The following IMMP2L variants were observed in gnomAD, a reference collection of about 807,000 sequenced individuals.
The protein encoded by IMMP2L is mitochondrial inner membrane protease subunit 2.
A neutral mutation model predicts 19.3 loss-of-function variants in IMMP2L; 18 were observed. The observed-to-expected ratio is 0.93, with a 90% confidence interval of 0.64 to 1.38. IMMP2L has a LOEUF of 1.38. Among genes scored for constraint, IMMP2L ranks in the 40% most tolerant of loss-of-function variants. IMMP2L has a pLI of 0.00. For synonymous variants in IMMP2L, 76 were observed against 73.0 expected, an observed-to-expected ratio of 1.04 and a Z score of -0.21; for missense variants, 233 against 218.2, an observed-to-expected ratio of 1.07 and a Z score of -0.43.
rs1371752256 is a variant in IMMP2L at position 111,213,196 on chromosome 7, T to C, written c.240-249631A>G. ...TCCTTGCTCCCTGCACTTGCTCCGA[T>C]CTTGGAGTGGAGTTGAGGCCTAGCC... On this transcript the variant is annotated intron_variant, in intron 3 of 5. Transcript: ENST00000405709. This position sits in a 1 kb window ranked among gnomAD's most constrained non-coding sequence, Gnocchi z 4.8. Among the ~76,000 whole-genome samples the C allele has an allele frequency of 6.6e-6, 1 of 152,176 alleles. No individual in the cohort carries two copies. Among genetic ancestry groups the C allele is most frequent in the Non-Finnish European group, 1.5e-5 (1 of 68,036 alleles).
At chr7:111,462,679 C>T (rs1840242402) in intron 3 of IMMP2L, among the ~76,000 whole-genome samples, 2 of 152,114 alleles carry the variant, frequency 1.3e-5, no homozygotes, top group Middle Eastern at 3.4e-3. Context: ...AGAAGTTCAA[C>T]GATAAAATGT....
At chr7:111,553,294 T>A (rs144835706) in intron 1 of IMMP2L, among the ~76,000 whole-genome samples, 240 of 152,218 alleles carry the variant, frequency 1.6e-3, no homozygotes, top group African/African-American at 5.5e-3. Flanking sequence ...AATACCACTT[T>A]CTTCTCAACT....
chr7:111,520,654 G>A (rs1846245814), intron 2 of IMMP2L, among the ~76,000 whole-genome samples: 1 of 151,980 alleles, frequency 6.6e-6, no homozygotes, highest in African/African-American at 2.4e-5. Context: ...GATAATACAG[G>A]AAACCAAATC....
At chr7:110,738,845 A>G (rs958672569) in intron 5 of IMMP2L, among the ~76,000 whole-genome samples, 5 of 152,244 alleles carry the variant, frequency 3.3e-5, no homozygotes, top group African/African-American at 9.6e-5. Context: ...TGGAAAACCT[A>G]TCAGATTAAC....
chr7:110,892,266 T>A (rs1419855336), intron 4 of IMMP2L, among the ~76,000 whole-genome samples: 1 of 152,174 alleles, frequency 6.6e-6, no homozygotes, highest in Admixed American at 6.5e-5. Context: ...AGTCTCAACA[T>A]ACCTGAACAG....
At chr7:111,332,995 A>T (rs1288480910) in intron 3 of IMMP2L, among the ~76,000 whole-genome samples, 1 of 152,046 alleles carries the variant, frequency 6.6e-6, no homozygotes, top group Non-Finnish European at 1.5e-5. Context: ...TAGTATTACC[A>T]TGCCCTCTGA....
chr7:110,920,182 G>A (rs766576815), intron 4 of IMMP2L, among the ~76,000 whole-genome samples: 52 of 152,118 alleles, frequency 3.4e-4, no homozygotes, highest in Non-Finnish European at 6.6e-4. Flanking sequence ...GCCTATCGTG[G>A]CCTGTTGTGT....
intron 1 of IMMP2L, among the ~76,000 whole-genome samples, chr7:111,554,419 G>T (rs1183514713): frequency 2.6e-5 from 4 of 151,884 alleles, no homozygotes; most frequent in Admixed American, 2.6e-4. Flanking sequence ...TGCTATCGTG[G>T]GGCCATTAAG....
intron 3 of IMMP2L, among the ~76,000 whole-genome samples, chr7:111,216,314 T>C (rs971988897): frequency 2.6e-5 from 4 of 152,190 alleles, no homozygotes; most frequent in African/African-American, 9.7e-5. Flanking sequence ...CAGTATTTTA[T>C]TTCTTTCCTA....
At chr7:111,199,641 A>G (rs1230572912) in intron 3 of IMMP2L, among the ~76,000 whole-genome samples, 2 of 152,192 alleles carry the variant, frequency 1.3e-5, no homozygotes, top group East Asian at 3.8e-4. Context: ...GAAGAAGCAT[A>G]AGCTTTATCT....
intron 2 of IMMP2L, among the ~76,000 whole-genome samples, chr7:111,494,554 C>T (rs148123071): frequency 5.5e-4 from 84 of 152,296 alleles, no homozygotes; most frequent in Admixed American, 4.4e-3. Flanking sequence ...TTTGAATAGT[C>T]CTTGCCCTAA....
Position 111,094,464 on chromosome 7 carries a change from G to T in IMMP2L, c.240-130899C>A, listed in dbSNP as rs541502308. On this transcript the variant is annotated intron_variant, in intron 3 of 5. Coordinates refer to ENST00000405709, the MANE Select transcript of IMMP2L (RefSeq NM_032549.4). ...CAGTCTGAAGAAACACTAGACATGTGTACAGCACACTAAAATGTTCCATGT... is the reference window on the plus strand; with the variant it reads ...CAGTCTGAAGAAACACTAGACATGTTTACAGCACACTAAAATGTTCCATGT... Among the ~76,000 whole-genome samples the T allele has an allele frequency of 3.0e-4, 45 of 152,222 alleles. 1 individual carries two copies. In the South Asian group the frequency reaches 9.1e-3, roughly 31 times the overall value.
intron 3 of IMMP2L, among the ~76,000 whole-genome samples, chr7:111,425,572 A>G (rs986536955): frequency 1.3e-5 from 2 of 151,158 alleles, no homozygotes; most frequent in South Asian, 2.1e-4. Context: ...GATAGATAAG[A>G]TAACAGAAAA....
At chr7:111,360,357 G>A (rs984487758) in intron 3 of IMMP2L, among the ~76,000 whole-genome samples, 1 of 152,136 alleles carries the variant, frequency 6.6e-6, no homozygotes, top group Non-Finnish European at 1.5e-5. Context: ...CATGAACCTT[G>A]CAGGGGGTCC....
intron 3 of IMMP2L, among the ~76,000 whole-genome samples, chr7:111,315,952 T>C (rs1824021866): frequency 6.6e-6 from 1 of 152,118 alleles, no homozygotes; most frequent in East Asian, 1.9e-4. Context: ...GGCAATTTCA[T>C]AATTGTGCGA....
chr7:111,325,946 T>C (rs1196375096), intron 3 of IMMP2L, among the ~76,000 whole-genome samples: 3 of 151,916 alleles, frequency 2.0e-5, no homozygotes, highest in East Asian at 3.9e-4. Context: ...AATTATAATG[T>C]AGTTTTGCCT....
intron 1 of IMMP2L, 68 bp downstream of exon 1, chr7:111,561,783 C>T (rs1275594954): frequency 6.5e-6 from 1 of 152,674 alleles, no homozygotes; most frequent in African/African-American, 2.4e-5. Flanking sequence ...ACATCTAGCC[C>T]TTCTCTCTCT....
chr7:110,817,093 T>G (rs1802591971), intron 5 of IMMP2L, among the ~76,000 whole-genome samples: 1 of 152,050 alleles, frequency 6.6e-6, no homozygotes, highest in African/African-American at 2.4e-5. Context: ...TTCAACATAG[T>G]GTTAGAAGTT....
chr7:111,436,336 G>A (rs1585090194), intron 3 of IMMP2L, among the ~76,000 whole-genome samples: 1 of 151,594 alleles, frequency 6.6e-6, no homozygotes, highest in Middle Eastern at 3.4e-3. Context: ...AAAAAAAAAT[G>A]ACATTGGGCT....
Sources: allele counts gnomAD v4.1 joint callset (sites outside exome capture counted in the v4.1 genomes callset), GRCh38; gene constraint gnomAD v4.1.1; non-coding constraint Gnocchi (gnomAD v3.1); transcripts MANE v1.5; gene names NCBI Gene and HGNC (gene_info 2026-07-23, HGNC 2026-07-21).